HAPLN2: variants seen among roughly 807,000 people sequenced by gnomAD.
The protein encoded by HAPLN2 is brain link protein-1.
HAPLN2 carries 27 observed loss-of-function variants against 29.3 expected under a neutral mutation model. That is an observed-to-expected ratio of 0.92 (90% CI 0.68 to 1.27). The LOEUF is 1.27. Ranked by LOEUF, HAPLN2 falls within the 50% of genes most tolerant of loss-of-function variation. The pLI, the probability that HAPLN2 is intolerant of heterozygous loss-of-function variation, is 0.00. For synonymous variants in HAPLN2, 208 were observed against 211.7 expected (o/e 0.98, Z 0.15); for missense variants, 454 against 484.3 (o/e 0.94, Z 0.59).
chr1:156,613,914 C>T, the HAPLN2 span, among the ~76,000 whole-genome samples: 7 of 37,900 alleles, frequency 1.8e-4, no homozygotes, highest in Non-Finnish European at 3.6e-4. Context: ...GAGATTCCTT[C>T]TCAAAAAAAA....
chr1:156,614,616 T>C (rs1325302035), upstream of HAPLN2: 1 of 151,886 alleles, frequency 6.6e-6, no homozygotes, highest in Admixed American at 6.6e-5. Context: ...CAATATGAGA[T>C]TGGGAGTGAG....
intron 2 of HAPLN2, among the ~76,000 whole-genome samples, chr1:156,622,648 A>C (rs1678273143): frequency 1.3e-5 from 2 of 152,106 alleles, no homozygotes. Context: ...TGCAGAGGCC[A>C]AAGTGGTTAA....
upstream of HAPLN2, among the ~76,000 whole-genome samples, chr1:156,616,730 G>A (rs1489669686): frequency 6.6e-6 from 1 of 152,106 alleles, no homozygotes; most frequent in Non-Finnish European, 1.5e-5. Context: ...CGTGGGAGGA[G>A]GAGGGAAGCG....
chr1:156,623,389 G>A, intron 2 of HAPLN2, 78 bp from the exon 3 acceptor site: 1 of 1,209,700 alleles, frequency 8.3e-7, no homozygotes, highest in Non-Finnish European at 1.2e-6. Context: ...GATCTCTGAT[G>A]GGAGTTCACC....
chr1:156,611,165 C>T, the HAPLN2 span, among the ~76,000 whole-genome samples: 1 of 151,754 alleles, frequency 6.6e-6, no homozygotes, highest in Admixed American at 6.6e-5. Flanking sequence ...CGCCTGTAAT[C>T]CTAGCGACTC....
chr1:156,624,468 G>A lies in HAPLN2; in HGVS notation c.556+1G>A. ...GCCACCTACTCCCAGCTCTACCAGG[G>A]TGAGCGGCCGAACCCAGCACTTCCC... On this transcript the variant is annotated splice_donor_variant, in intron 5 of 6. Transcript: ENST00000255039. LOFTEE classifies it high-confidence loss of function. 6.2e-7 allele frequency: 1 copy of A among 1,612,404 alleles called. No individual in the cohort carries two copies. The highest frequency in any genetic ancestry group is 2.2e-5 in the East Asian group (1 of 44,808).
rs1453792278 is a variant in HAPLN2, at chr1:156,625,513, C to T, written c.*129C>T. The T allele has an allele frequency of 4.2e-6, 4 of 959,082 alleles. No individual in the cohort carries two copies. 59.4% of individuals were successfully genotyped at this position (959,082 alleles called of 1,614,324 possible). On this transcript the variant is annotated 3_prime_UTR_variant, in exon 7 of 7. Coordinates refer to ENST00000255039, the MANE Select transcript of HAPLN2 (RefSeq NM_021817.3). The surrounding 1 kb of genome is among the most constrained non-coding windows in gnomAD (Gnocchi z 5.7). ...AGCGGCCTCTCCAGACCTGCCTTCCCAGCCGGGGGCTGCGGGCCTCGGACC... is the reference window on the plus strand; with the variant it reads ...AGCGGCCTCTCCAGACCTGCCTTCCTAGCCGGGGGCTGCGGGCCTCGGACC...
At chr1:156,606,587 A>C in the HAPLN2 span, among the ~76,000 whole-genome samples, 1 of 151,528 alleles carries the variant, frequency 6.6e-6, no homozygotes, top group Non-Finnish European at 1.5e-5. Context: ...GACTCAAGCA[A>C]TCCTCTCACC....
chr1:156,624,657 CG>C lies in HAPLN2; in HGVS notation c.614del (p.Arg205ProfsTer52). 6.2e-7 allele frequency: 1 copy of C among 1,610,718 alleles called. No individual in the cohort carries two copies. The highest frequency in any genetic ancestry group is 8.5e-7 in the Non-Finnish European group (1 of 1,179,332). On this transcript the variant is annotated frameshift_variant, in exon 6 of 7. Coordinates refer to ENST00000255039, the MANE Select transcript of HAPLN2 (RefSeq NM_021817.3). LOFTEE classifies it high-confidence loss of function. ...GGGCTGGCTGCTCGAGGGCTCCGTG[CG>C]CTACCCTGTGCTCACCGCACGCGCC... ...NAGWLLEGSV[R>X]YPVLTARAPC...
At chr1:156,614,027 C>T in the HAPLN2 span, among the ~76,000 whole-genome samples, 3 of 151,754 alleles carry the variant, frequency 2.0e-5, no homozygotes, top group Non-Finnish European at 4.4e-5. Context: ...AGAAATTATT[C>T]TTTCACAGCA....
intron 2 of HAPLN2, among the ~76,000 whole-genome samples, chr1:156,622,280 T>A (rs554944822): frequency 2.6e-5 from 4 of 152,024 alleles, no homozygotes; most frequent in Admixed American, 2.6e-4. Context: ...ACTCCATCTC[T>A]ACAAAAAATA....
At chr1:156,612,096 TCAC>T in the HAPLN2 span, among the ~76,000 whole-genome samples, 1 of 152,190 alleles carries the variant, frequency 6.6e-6, no homozygotes, top group Non-Finnish European at 1.5e-5. Flanking sequence ...CACTTCAAGC[TCAC>T]TTCAAGCTCC....
Position 156,624,153 on chromosome 1 carries a change from C to G in HAPLN2, c.432C>G (p.Ser144Arg), listed in dbSNP as rs774087986. 4 of 1,612,692 alleles carry G rather than the reference C, an allele frequency of 2.5e-6. No individual in the cohort carries two copies. Among genetic ancestry groups the G allele is most frequent in the Middle Eastern group, 3.3e-4 (2 of 6,008 alleles). The change falls in exon 4 of 7, where the codon AGC (serine) becomes AGG (arginine). Residue 144 changes from serine (S) to arginine (R), a missense_variant. Transcript: ENST00000255039. ...ACGAGAGCGTGGCGCTGACCTTGAG[C>G]TTGGAGGGTGAGGCCCTTCCGCTCC... ...IEDESVALTL[S>R]LEGVVFPYQP...
intron 6 of HAPLN2, 126 bp downstream of exon 6, chr1:156,624,909 G>GT: frequency 1.0e-6 from 1 of 999,508 alleles, no homozygotes; most frequent in Non-Finnish European, 1.4e-6. Context: ...CCCCCCATCA[G>GT]CCCGCCCGCC....
chr1:156,625,262 C>T lies in HAPLN2; in HGVS notation c.901C>T (p.Arg301Cys), dbSNP rs866562951. 1.9e-6 allele frequency: 3 copies of T among 1,575,312 alleles called. No homozygotes were observed. Among genetic ancestry groups the T allele is most frequent in the East Asian group, 2.4e-5 (1 of 42,528 alleles). ...CGGCTGGCTGGCTGACGGCAGTGTG[C>T]GCTTCCCAATCACCACGCCGAGGCC... ...DGGWLADGSVRFPITTPRPRC... is the reference protein window; with the variant it reads ...DGGWLADGSVCFPITTPRPRC... Residue 301 changes from arginine (R) to cysteine (C), a missense_variant, in exon 7 of 7, where the codon CGC (arginine) becomes TGC (cysteine). Physicochemically the swap from Arg to Cys is radical, Grantham distance 180 (BLOSUM62 -3). Coordinates refer to ENST00000255039, the MANE Select transcript of HAPLN2 (RefSeq NM_021817.3). This position sits in a 1 kb window ranked among gnomAD's most constrained non-coding sequence, Gnocchi z 5.7.
chr1:156,607,882 A>G, the HAPLN2 span, among the ~76,000 whole-genome samples: 1 of 152,156 alleles, frequency 6.6e-6, no homozygotes, highest in Non-Finnish European at 1.5e-5. Context: ...AAAAAAATCT[A>G]TATAGCAAAT....
Position 156,623,498 on chromosome 1 carries a change from G to C in HAPLN2, c.8G>C (p.Gly3Ala), listed in dbSNP as rs1188298547. Residue 3 changes from glycine (G) to alanine (A), a missense_variant, in exon 3 of 7, where the codon GGC (glycine) becomes GCC (alanine). By Grantham distance (60) the Gly-to-Ala change is moderately conservative. This residue lies in a region of HAPLN2 where 204 missense variants were observed against 209.2 expected (regional missense o/e 0.98). Transcript: ENST00000255039. The stretch of plus-strand genomic sequence containing the variant: ...CCGGGCTGACCCCCCATCATGCCAG[G>C]CTGGCTCACCCTCCCCACACTCTGC... MPGWLTLPTLCRF... is the reference protein window; with the variant it reads MPAWLTLPTLCRF... 7 of 1,614,008 alleles carry C rather than the reference G, an allele frequency of 4.3e-6. No homozygotes were observed. The highest frequency in any genetic ancestry group is 5.9e-6 in the Non-Finnish European group (7 of 1,180,002).
At chr1:156,611,951 A>G in the HAPLN2 span, among the ~76,000 whole-genome samples, 1 of 152,202 alleles carries the variant, frequency 6.6e-6, no homozygotes, top group East Asian at 1.9e-4. Context: ...CTTTTTGTTA[A>G]ACTTGCAGAA....
intron 2 of HAPLN2, among the ~76,000 whole-genome samples, chr1:156,622,255 G>A (rs1241316339): frequency 6.6e-6 from 1 of 151,978 alleles, no homozygotes; most frequent in Non-Finnish European, 1.5e-5. Context: ...AGACCAGCCT[G>A]GGCAACATTC....
Sources: gnomAD v4.1 joint callset for allele counts (sites outside exome capture counted in the v4.1 genomes callset) on GRCh38, gnomAD v4.1.1 for gene constraint, gnomAD v4.1.1 regional missense constraint, Gnocchi (gnomAD v3.1) non-coding constraint, MANE v1.5 for transcripts, NCBI Gene and HGNC (gene_info 2026-07-23, HGNC 2026-07-21) for gene names.